PTK2: variants seen among roughly 807,000 people sequenced by gnomAD.
The protein encoded by PTK2 is focal adhesion kinase 1.
In PTK2, 45 loss-of-function variants were observed where a neutral mutation model predicts 150.1. The observed-to-expected ratio is 0.30, with a 90% CI of 0.24 to 0.38. PTK2 has a LOEUF of 0.38. PTK2 is among the 10% of genes least tolerant of loss of function. The pLI is 1.00. For synonymous variants in PTK2, 432 were observed against 449.2 expected (o/e 0.96, Z 0.48); for missense variants, 919 against 1,307.3 (o/e 0.70, Z 4.58).
At chr8:140,904,189 T>C (rs2100159928) in intron 2 of PTK2, among the ~76,000 whole-genome samples, 2 of 152,230 alleles carry the variant, frequency 1.3e-5, no homozygotes. Flanking sequence ...ATACGTACTT[T>C]ATTGAGAGTT....
chr8:140,763,442 A>C (rs2154549889), intron 15 of PTK2, among the ~76,000 whole-genome samples: 1 of 152,236 alleles, frequency 6.6e-6, no homozygotes, highest in East Asian at 1.9e-4. Flanking sequence ...AGGCAGGTTT[A>C]ATTTTTTTTT....
At chr8:140,716,720 A>G (rs1002551841) in intron 23 of PTK2, among the ~76,000 whole-genome samples, 2 of 152,250 alleles carry the variant, frequency 1.3e-5, no homozygotes, top group Admixed American at 1.3e-4. Flanking sequence ...AAAGAAAATA[A>G]TTGTCAAAGT....
At chr8:140,959,717 G>C (rs947821922) in intron 1 of PTK2, among the ~76,000 whole-genome samples, 1 of 151,922 alleles carries the variant, frequency 6.6e-6, no homozygotes, top group Non-Finnish European at 1.5e-5. Context: ...TGTGGCCCAC[G>C]TATAGCAGCT....
chr8:140,684,099 A>G (rs2100018485), intron 27 of PTK2, among the ~76,000 whole-genome samples: 1 of 152,244 alleles, frequency 6.6e-6, no homozygotes, highest in Non-Finnish European at 1.5e-5. Flanking sequence ...GTGATTTTAT[A>G]CACAGAAAAC....
At chr8:140,900,932 A>G (rs1182650721) in intron 2 of PTK2, among the ~76,000 whole-genome samples, 1 of 152,194 alleles carries the variant, frequency 6.6e-6, no homozygotes, top group Non-Finnish European at 1.5e-5. Context: ...TGGAACCACA[A>G]AAGACCCTGA....
At chr8:140,992,002 AAAC>A (rs1204724160) in intron 1 of PTK2, among the ~76,000 whole-genome samples, 3 of 151,664 alleles carry the variant, frequency 2.0e-5, no homozygotes, top group Admixed American at 6.6e-5. Flanking sequence ...AAAAAAAATG[AAAC>A]AACAGGCCAG....
chr8:140,988,447 T>G (rs1008052289), intron 1 of PTK2, among the ~76,000 whole-genome samples: 2 of 152,106 alleles, frequency 1.3e-5, no homozygotes, highest in Admixed American at 1.3e-4. Flanking sequence ...GACACCCACA[T>G]GGCTGGGCAT....
At chr8:140,820,656 A>G (rs547664207) in intron 8 of PTK2, 73 of 151,720 alleles carry the variant, frequency 4.8e-4, no homozygotes, top group African/African-American at 1.6e-3. Flanking sequence ...AGGATATGCT[A>G]ATAATTAAGA....
chr8:140,803,534 G>A lies in PTK2; in HGVS notation c.975+9C>T, dbSNP rs755117157. 2 of 1,594,464 alleles carry A rather than the reference G, an allele frequency of 1.3e-6. No individual in the cohort carries two copies. The highest frequency in any genetic ancestry group is 1.7e-6 in the Non-Finnish European group (2 of 1,162,342). ...TTTTCCCTTAATGATGAACGTAACA[G>A]TTCCTTACCTCGGGTGCACCTGCTA... On this transcript the variant is annotated intron_variant, in intron 11 of 31. Coordinates refer to ENST00000522684, the Ensembl canonical transcript of PTK2.
At chr8:140,754,752 C>T (rs1007147642) in intron 16 of PTK2, among the ~76,000 whole-genome samples, 1 of 152,144 alleles carries the variant, frequency 6.6e-6, no homozygotes. Context: ...TTCGGTTTGG[C>T]GAATAGGACA....
At chr8:140,939,025 C>A (rs756801771) in intron 1 of PTK2, among the ~76,000 whole-genome samples, 2 of 151,716 alleles carry the variant, frequency 1.3e-5, no homozygotes, top group African/African-American at 2.4e-5. Flanking sequence ...AAAAGTCACA[C>A]CCTGCTTTCC....
At chr8:140,974,653 C>T (rs367563696) in intron 1 of PTK2, among the ~76,000 whole-genome samples, 2 of 152,188 alleles carry the variant, frequency 1.3e-5, no homozygotes, top group East Asian at 3.8e-4. Flanking sequence ...CTTGCCAACA[C>T]AAACCTTTAG....
intron 1 of PTK2, among the ~76,000 whole-genome samples, chr8:140,992,765 A>G (rs778604013): frequency 1.2e-4 from 18 of 152,186 alleles, no homozygotes; most frequent in Non-Finnish European, 2.2e-4. Context: ...GACTTCCATT[A>G]CCTGAGTGAA....
intron 27 of PTK2, among the ~76,000 whole-genome samples, chr8:140,677,089 A>C (rs1197193088): frequency 6.6e-6 from 1 of 152,164 alleles, no homozygotes; most frequent in Non-Finnish European, 1.5e-5. Flanking sequence ...ACAAATAAAA[A>C]AAATTTGAAA....
At chr8:140,683,873 T>C (rs193106538) in intron 27 of PTK2, among the ~76,000 whole-genome samples, 69 of 151,642 alleles carry the variant, frequency 4.6e-4, no homozygotes, top group African/African-American at 1.7e-3. Flanking sequence ...ATAAGAGCCA[T>C]CTATGACAAA....
At chr8:140,675,388 A>C (rs750915604) in intron 28 of PTK2, 72 bp downstream of exon 31, 5 of 1,504,306 alleles carry the variant, frequency 3.3e-6, no homozygotes, top group Non-Finnish European at 4.6e-6. Flanking sequence ...AAGCTACGAC[A>C]CTATATACAT....
intron 1 of PTK2, among the ~76,000 whole-genome samples, chr8:140,956,150 C>T (rs1382225528): frequency 3.3e-5 from 5 of 152,232 alleles, no homozygotes; most frequent in Non-Finnish European, 5.9e-5. Flanking sequence ...GATACCAATG[C>T]TGGGGATTTC....
intron 20 of PTK2, among the ~76,000 whole-genome samples, chr8:140,740,769 C>G (rs933017271): frequency 2.0e-5 from 3 of 152,196 alleles, no homozygotes; most frequent in Non-Finnish European, 2.9e-5. Context: ...TTGACTTCGT[C>G]TTTTTAAAGT....
exon 10 of PTK2, chr8:140,818,315 C>G (rs2100105983): frequency 1.2e-6 from 2 of 1,614,000 alleles, no homozygotes; most frequent in South Asian, 1.1e-5. Context: ...ATTCCTTCTT[C>G]TGGGCCGATT....
Sources: gnomAD v4.1 joint callset for allele counts (sites outside exome capture counted in the v4.1 genomes callset) on GRCh38, gnomAD v4.1.1 for gene constraint, MANE v1.5 for transcripts, NCBI Gene and HGNC (gene_info 2026-07-23, HGNC 2026-07-21) for gene names.